The following BCL2L1 variants were observed in gnomAD, a reference collection of about 807,000 sequenced individuals.
The protein encoded by BCL2L1 is BCL2 like 1, also known as bcl-2-like protein 1.
In BCL2L1, 1 loss-of-function variant was observed where a neutral mutation model predicts 18.7. The observed-to-expected ratio is 0.05, with a 90% CI of 0.02 to 0.25. The LOEUF is 0.25. Ranked by LOEUF, BCL2L1 falls within the 10% of genes least tolerant of loss-of-function variation. The pLI, the probability that BCL2L1 is intolerant of heterozygous loss-of-function variation, is 1.00. For synonymous variants in BCL2L1, 103 were observed against 122.7 expected (o/e 0.84, Z 1.06); for missense variants, 207 against 304.9 (o/e 0.68, Z 2.39).
At chr20:31,680,403 G>C (rs1002453735) in intron 2 of BCL2L1, among the ~76,000 whole-genome samples, 1 of 152,202 alleles carries the variant, frequency 6.6e-6, no homozygotes, top group African/African-American at 2.4e-5. Flanking sequence ...TGGGTGCCTT[G>C]AGGGGTGAGA....
intron 2 of BCL2L1, among the ~76,000 whole-genome samples, chr20:31,666,620 G>A (rs542564300): frequency 2.0e-5 from 3 of 152,192 alleles, no homozygotes; most frequent in African/African-American, 2.4e-5. Flanking sequence ...GTCATTTGAG[G>A]CCAATTCAGG....
upstream of BCL2L1, chr20:31,723,626 G>A (rs1285442628): frequency 6.1e-6 from 6 of 985,424 alleles, no homozygotes; most frequent in African/African-American, 1.7e-5. Flanking sequence ...GCCCCCGGCG[G>A]TCCGCCCCAG....
chr20:31,690,845 A>G (rs1394848313), intron 2 of BCL2L1, among the ~76,000 whole-genome samples: 2 of 152,160 alleles, frequency 1.3e-5, no homozygotes, highest in Non-Finnish European at 2.9e-5. Context: ...ACCTTTGTTC[A>G]TTATGAGATA....
intron 2 of BCL2L1, among the ~76,000 whole-genome samples, chr20:31,702,006 A>G (rs1317723950): frequency 6.6e-6 from 1 of 152,256 alleles, no homozygotes; most frequent in Non-Finnish European, 1.5e-5. Flanking sequence ...ACAAAAAGAA[A>G]ATTCCAGGTA....
At chr20:31,691,152 CAAAAAAAAAAAAAAAAAAAAA>C (rs539012918) in intron 2 of BCL2L1, among the ~76,000 whole-genome samples, 65 of 24,838 alleles carry the variant, frequency 2.6e-3, no homozygotes, top group Non-Finnish European at 3.2e-3. Context: ...GACTCTGTCT[CAAAAAAAAAAAAAAAAAAAAA>C]AAAAAAAAAA....
At chr20:31,681,244 G>A (rs756292449) in intron 2 of BCL2L1, among the ~76,000 whole-genome samples, 1 of 152,236 alleles carries the variant, frequency 6.6e-6, no homozygotes, top group Non-Finnish European at 1.5e-5. Flanking sequence ...TGGCTGCTGG[G>A]TGGAGATCTC....
At chr20:31,721,086 A>C in intron 2 of BCL2L1, 7 of 645,862 alleles carry the variant, frequency 1.1e-5, no homozygotes, top group South Asian at 6.9e-5. Context: ...GACAATTCTC[A>C]GCCATTCAAC....
chr20:31,698,469 C>G (rs1294299055), intron 2 of BCL2L1, among the ~76,000 whole-genome samples: 1 of 152,030 alleles, frequency 6.6e-6, no homozygotes, highest in Non-Finnish European at 1.5e-5. Context: ...TTCCTGGGCT[C>G]AAGTGATCCT....
chr20:31,692,676 C>T (rs2061094078), intron 2 of BCL2L1, among the ~76,000 whole-genome samples: 1 of 150,340 alleles, frequency 6.7e-6, no homozygotes, highest in Non-Finnish European at 1.5e-5. Flanking sequence ...TTTGGGAGGC[C>T]GAGGCTGGTG....
At chr20:31,713,588 G>C in intron 2 of BCL2L1, 1 of 985,374 alleles carries the variant, frequency 1.0e-6, no homozygotes, top group South Asian at 4.7e-5. Context: ...TAAGGCTCAA[G>C]CTTGGCCCGA....
chr20:31,697,892 G>GTTTTTTTTTTTTTTTTTTTTTTTTTT lies in BCL2L1; in HGVS notation c.564+23762_564+23763insAAAAAAAAAAAAAAAAAAAAAAAAAA, dbSNP rs199575410. 1.5e-3 allele frequency among the ~76,000 whole-genome samples: 192 copies of GTTTTTTTTTTTTTTTTTTTTTTTTTT among 129,618 alleles called. 2 individuals carry two copies. The highest frequency in any genetic ancestry group is 6.0e-3 in the African/African-American group (182 of 30,480). 85.0% of individuals were successfully genotyped at this position (129,618 alleles called of 152,430 possible). On this transcript the variant is annotated intron_variant, in intron 2 of 2. Coordinates refer to ENST00000307677, the MANE Select transcript of BCL2L1 (RefSeq NM_138578.3). ...AGAATCCTCAGCATGTGCTGTTGCTGTTTTTTTTTTTTTGAGACGGAGTCT... is the reference window on the plus strand; with the variant it reads ...AGAATCCTCAGCATGTGCTGTTGCTGTTTTTTTTTTTTTTTTTTTTTTTTTTTTTTTTTTTTTTTGAGACGGAGTCT...
intron 2 of BCL2L1, among the ~76,000 whole-genome samples, chr20:31,674,350 G>A (rs914413978): frequency 1.1e-4 from 17 of 152,182 alleles, no homozygotes; most frequent in African/African-American, 3.1e-4. Flanking sequence ...GTGGCCCACA[G>A]ATGATCTGTG....
chr20:31,716,624 T>C (rs924610576), intron 2 of BCL2L1: 3 of 152,226 alleles, frequency 2.0e-5, no homozygotes, highest in African/African-American at 7.2e-5. Flanking sequence ...CAATTAGGTA[T>C]CTGCTATGCC....
chr20:31,679,612 A>G (rs892130378), intron 2 of BCL2L1, among the ~76,000 whole-genome samples: 5 of 152,212 alleles, frequency 3.3e-5, no homozygotes, highest in African/African-American at 7.2e-5. Flanking sequence ...TCAATGGTCC[A>G]TGGTAAGCGT....
At chr20:31,670,368 G>A (rs935184297) in intron 2 of BCL2L1, among the ~76,000 whole-genome samples, 1 of 152,198 alleles carries the variant, frequency 6.6e-6, no homozygotes, top group Non-Finnish European at 1.5e-5. Context: ...TATCCCAAGA[G>A]GCCAAATGTC....
At chr20:31,687,389 C>T (rs1014572742) in intron 2 of BCL2L1, among the ~76,000 whole-genome samples, 3 of 151,444 alleles carry the variant, frequency 2.0e-5, no homozygotes, top group South Asian at 4.2e-4. Context: ...CGGTGGCTCA[C>T]GCCTGTAATC....
At chr20:31,668,544 T>C (rs187066198) in intron 2 of BCL2L1, among the ~76,000 whole-genome samples, 4 of 151,666 alleles carry the variant, frequency 2.6e-5, no homozygotes, top group Non-Finnish European at 5.9e-5. Flanking sequence ...TGACCTCAAG[T>C]GATCCGCCCA....
rs539681562 is a variant in BCL2L1, at chr20:31,718,402, T to A, written c.564+3253A>T. Among the ~76,000 whole-genome samples, 5 of 152,290 alleles carry A rather than the reference T, an allele frequency of 3.3e-5. No homozygotes were observed. In the East Asian group the frequency reaches 9.7e-4, roughly 29 times the overall value. ...CAGGCACGGTGGTTCATGCCTGTAA[T>A]CCCAGCATTTTGGGAGGCTGAGGCA... On this transcript the variant is annotated intron_variant, in intron 2 of 2. Coordinates refer to ENST00000307677, the MANE Select transcript of BCL2L1 (RefSeq NM_138578.3).
At chr20:31,679,723 G>A (rs1403490708) in intron 2 of BCL2L1, among the ~76,000 whole-genome samples, 1 of 152,204 alleles carries the variant, frequency 6.6e-6, no homozygotes, top group Non-Finnish European at 1.5e-5. Flanking sequence ...GAGTGCAGTG[G>A]TGTGATCTCT....
Sources: allele counts gnomAD v4.1 joint callset (sites outside exome capture counted in the v4.1 genomes callset), GRCh38; gene constraint gnomAD v4.1.1; transcripts MANE v1.5; gene names NCBI Gene and HGNC (gene_info 2026-07-23, HGNC 2026-07-21).